CTNND2: variants seen among roughly 807,000 people sequenced by gnomAD.
CTNND2 encodes catenin delta 2, also known as catenin delta-2.
In CTNND2, 22 loss-of-function variants were observed where a neutral mutation model predicts 144.4. That is an observed-to-expected ratio of 0.15 (90% CI 0.11 to 0.22). The LOEUF (loss-of-function observed/expected upper bound fraction) is 0.22, where lower values mean the gene tolerates loss of function less well. Ranked by LOEUF, CTNND2 falls within the 10% of genes least tolerant of loss-of-function variation. CTNND2 has a pLI of 1.00. For synonymous variants in CTNND2, 751 were observed against 695.6 expected (o/e 1.08, Z -1.25); for missense variants, 1,353 against 1,618.8 (o/e 0.84, Z 2.82).
intron 11 of CTNND2, among the ~76,000 whole-genome samples, chr5:11,169,991 T>C (rs1336478321): frequency 6.6e-6 from 1 of 152,220 alleles, no homozygotes; most frequent in Non-Finnish European, 1.5e-5. Context: ...TCTAACATCT[T>C]TGAGTTCTTG....
intron 2 of CTNND2, among the ~76,000 whole-genome samples, chr5:11,618,318 G>A (rs779982841): frequency 6.6e-6 from 1 of 152,146 alleles, no homozygotes; most frequent in African/African-American, 2.4e-5. Context: ...GGATCAACAC[G>A]TTAAAGTTTC....
chr5:11,357,590 G>C (rs1343170451), intron 8 of CTNND2, among the ~76,000 whole-genome samples: 1 of 152,004 alleles, frequency 6.6e-6, no homozygotes, highest in Non-Finnish European at 1.5e-5. Context: ...CGATGAGATA[G>C]GAAAAGTGAA....
chr5:11,561,061 G>A (rs146456212), intron 3 of CTNND2, among the ~76,000 whole-genome samples: 19 of 152,244 alleles, frequency 1.2e-4, no homozygotes, highest in African/African-American at 4.3e-4. Context: ...TTAAGCTGCC[G>A]GATAACACCT....
At position 11,859,182 on chromosome 5, in the gene CTNND2, T is replaced by C. The variant is rs374560925; in HGVS notation, c.37+44635A>G. On this transcript the variant is annotated intron_variant, in intron 1 of 21. Coordinates refer to ENST00000304623, the MANE Select transcript of CTNND2 (RefSeq NM_001332.4). ...TAAGACACAGCTCATGCTCCTTTCC[T>C]GTATGGAGTCTTCACTCTCCTTTAA... Among the ~76,000 whole-genome samples, 22 of 152,176 alleles carry C rather than the reference T, an allele frequency of 1.4e-4. 1 individual carries two copies. Among genetic ancestry groups the C allele is most frequent in the East Asian group, 9.7e-4 (5 of 5,170 alleles).
chr5:11,441,393 TTTA>T (rs1325535044), intron 3 of CTNND2, among the ~76,000 whole-genome samples: 1 of 134,162 alleles, frequency 7.5e-6, no homozygotes, highest in Non-Finnish European at 1.6e-5. Context: ...TTTTTTTTTT[TTTA>T]AAGACAGATT....
chr5:11,347,558 T>C (rs61750702), intron 8 of CTNND2, among the ~76,000 whole-genome samples: 1,840 of 152,320 alleles, frequency 0.012, 23 homozygotes, highest in Admixed American at 0.033. Context: ...ACAATGAAAA[T>C]AGCATCTTTC....
At chr5:11,769,990 T>A (rs568515640) in intron 1 of CTNND2, among the ~76,000 whole-genome samples, 9 of 152,224 alleles carry the variant, frequency 5.9e-5, no homozygotes, top group Non-Finnish European at 1.3e-4. Context: ...TTTTCAGAAG[T>A]ATATTCTGGA....
At chr5:11,219,753 G>GA (rs1040438275) in intron 10 of CTNND2, among the ~76,000 whole-genome samples, 19 of 152,210 alleles carry the variant, frequency 1.2e-4, no homozygotes, top group African/African-American at 4.6e-4. Flanking sequence ...TTCAGAAGCT[G>GA]AAAAAGTCAA....
chr5:11,537,682 T>C (rs1774347983), intron 3 of CTNND2, among the ~76,000 whole-genome samples: 1 of 152,152 alleles, frequency 6.6e-6, no homozygotes. Context: ...TTTTGTATGG[T>C]AGAATTCAGA....
intron 2 of CTNND2, among the ~76,000 whole-genome samples, chr5:11,668,451 T>G (rs753487318): frequency 5.3e-5 from 8 of 152,212 alleles, no homozygotes; most frequent in Non-Finnish European, 1.2e-4. Flanking sequence ...GAGCAGTGGT[T>G]TGTAGTTCTC....
At chr5:11,616,079 TTACCC>T (rs987141148) in intron 2 of CTNND2, among the ~76,000 whole-genome samples, 3 of 152,230 alleles carry the variant, frequency 2.0e-5, no homozygotes, top group African/African-American at 7.2e-5. Flanking sequence ...ATTTTTCCTG[TTACCC>T]AAGTTTGAAA....
chr5:11,539,332 C>T (rs924316950), intron 3 of CTNND2, among the ~76,000 whole-genome samples: 5 of 152,174 alleles, frequency 3.3e-5, no homozygotes, highest in Non-Finnish European at 4.4e-5. Context: ...AAAGAACTTG[C>T]CCATCTCCAA....
At chr5:11,316,676 G>A (rs1189913495) in intron 9 of CTNND2, among the ~76,000 whole-genome samples, 2 of 128,442 alleles carry the variant, frequency 1.6e-5, no homozygotes, top group African/African-American at 5.9e-5. Context: ...GGAGTGTGAT[G>A]TTCCCCTTCC....
At chr5:11,293,620 C>G (rs1327883063) in intron 9 of CTNND2, among the ~76,000 whole-genome samples, 2 of 151,632 alleles carry the variant, frequency 1.3e-5, no homozygotes, top group Non-Finnish European at 2.9e-5. Context: ...ATTTCGTTCA[C>G]AGTTTATATT....
intron 1 of CTNND2, among the ~76,000 whole-genome samples, chr5:11,826,298 A>T (rs925273232): frequency 6.6e-6 from 1 of 152,076 alleles, no homozygotes; most frequent in Non-Finnish European, 1.5e-5. Flanking sequence ...AGTAAATTTT[A>T]TATGAACCAA....
chr5:11,098,787 T>C (rs1353423603), intron 14 of CTNND2, 39 bp from the exon 15 acceptor site: 1 of 1,593,290 alleles, frequency 6.3e-7, no homozygotes, highest in Non-Finnish European at 8.6e-7. Flanking sequence ...ATCTTTAACA[T>C]CTTTATGCTT....
chr5:11,422,488 G>A (rs555187664), intron 3 of CTNND2, among the ~76,000 whole-genome samples: 41 of 152,236 alleles, frequency 2.7e-4, no homozygotes, highest in African/African-American at 9.9e-4. Flanking sequence ...GTTGGCACTG[G>A]TGACTGACAA....
chr5:11,154,992 A>G (rs1758085160), intron 12 of CTNND2, among the ~76,000 whole-genome samples: 1 of 152,232 alleles, frequency 6.6e-6, no homozygotes, highest in African/African-American at 2.4e-5. Flanking sequence ...CCTGATCTTC[A>G]TGAACTAATT....
intron 18 of CTNND2, among the ~76,000 whole-genome samples, chr5:11,015,913 G>A (rs1741555321): frequency 6.6e-6 from 1 of 152,146 alleles, no homozygotes; most frequent in Non-Finnish European, 1.5e-5. Context: ...TAAGGAGGCT[G>A]GGATAGGAAT....
Sources: allele counts gnomAD v4.1 joint callset (sites outside exome capture counted in the v4.1 genomes callset), GRCh38; gene constraint gnomAD v4.1.1; transcripts MANE v1.5; gene names NCBI Gene and HGNC (gene_info 2026-07-23, HGNC 2026-07-21).